The following NDST4 variants were observed in gnomAD, a reference collection of about 807,000 sequenced individuals.
NDST4 encodes the protein N-deacetylase and N-sulfotransferase 4.
In NDST4, 63 loss-of-function variants were observed where a neutral mutation model predicts 100.8. The ratio of observed to expected loss-of-function variants is 0.62; its 90% CI spans 0.51 to 0.77. NDST4 has a LOEUF of 0.77. NDST4 is among the 30% of genes least tolerant of loss of function. NDST4 has a pLI of 0.00. For synonymous variants in NDST4, 377 were observed against 361.8 expected (o/e 1.04, Z -0.48); for missense variants, 943 against 1,018.4 (o/e 0.93, Z 1.01).
chr4:115,107,476 T>A (rs1226008265), intron 1 of NDST4, among the ~76,000 whole-genome samples: 1 of 150,780 alleles, frequency 6.6e-6, no homozygotes, highest in East Asian at 1.9e-4. Flanking sequence ...CTACTCCTCA[T>A]CACATTTTTC....
chr4:114,998,943 C>T (rs1727223042), intron 2 of NDST4, among the ~76,000 whole-genome samples: 1 of 151,792 alleles, frequency 6.6e-6, no homozygotes, highest in South Asian at 2.1e-4. Flanking sequence ...AACTTTGGGT[C>T]GAGTTGAAAA....
At chr4:114,973,435 A>G (rs6812189) in intron 3 of NDST4, among the ~76,000 whole-genome samples, 1,821 of 152,102 alleles carry the variant, frequency 0.012, 38 homozygotes, top group African/African-American at 0.04. Context: ...ACAGACCATT[A>G]AAATATCTGT....
intron 9 of NDST4, among the ~76,000 whole-genome samples, chr4:114,847,264 T>C (rs1227059298): frequency 7.3e-6 from 1 of 137,526 alleles, no homozygotes; most frequent in East Asian, 2.0e-4. Context: ...TAGTCCCAGC[T>C]ACTTGGGAGG....
intron 6 of NDST4, among the ~76,000 whole-genome samples, chr4:114,901,192 T>G (rs796294164): frequency 5.9e-5 from 9 of 152,172 alleles, no homozygotes; most frequent in African/African-American, 2.2e-4. Flanking sequence ...AGCTCAACTA[T>G]GTCTTTACTG....
chr4:114,851,655 C>T (rs554185735), intron 8 of NDST4, among the ~76,000 whole-genome samples: 17 of 152,232 alleles, frequency 1.1e-4, no homozygotes, highest in Non-Finnish European at 2.1e-4. Flanking sequence ...CTTTAGTAGT[C>T]ACTCCAGAGT....
intron 6 of NDST4, among the ~76,000 whole-genome samples, chr4:114,920,433 A>G (rs1196190088): frequency 3.3e-5 from 5 of 152,160 alleles, no homozygotes; most frequent in Admixed American, 2.6e-4. Flanking sequence ...TTGAATGTGT[A>G]CCTGTGTGTG....
chr4:114,939,565 C>A (rs541047341), intron 4 of NDST4, among the ~76,000 whole-genome samples: 1 of 149,284 alleles, frequency 6.7e-6, no homozygotes, highest in Admixed American at 6.7e-5. Context: ...GTCCTAGATA[C>A]AAAGCAATGA....
At chr4:114,886,417 G>A (rs191528563) in intron 6 of NDST4, among the ~76,000 whole-genome samples, 12 of 152,126 alleles carry the variant, frequency 7.9e-5, no homozygotes, top group Non-Finnish European at 1.5e-5. Flanking sequence ...CTCTTTAGAC[G>A]GAGGCAGAAA....
At chr4:114,864,382 T>A (rs1723980116) in intron 7 of NDST4, among the ~76,000 whole-genome samples, 1 of 152,234 alleles carries the variant, frequency 6.6e-6, no homozygotes, top group Non-Finnish European at 1.5e-5. Flanking sequence ...ACATTTTTCC[T>A]TTCCAATTGG....
chr4:114,970,876 A>G (rs1044938443), intron 3 of NDST4, among the ~76,000 whole-genome samples: 6 of 152,086 alleles, frequency 3.9e-5, no homozygotes, highest in Non-Finnish European at 8.8e-5. Context: ...TGTATTTTAT[A>G]CCCTAACATA....
At chr4:115,012,635 T>A (rs1727575047) in intron 2 of NDST4, among the ~76,000 whole-genome samples, 1 of 152,002 alleles carries the variant, frequency 6.6e-6, no homozygotes. Context: ...ATTTGGAGGT[T>A]CCCCAAAAAA....
At chr4:115,018,599 GA>G (rs1209436917) in intron 2 of NDST4, among the ~76,000 whole-genome samples, 1 of 151,796 alleles carries the variant, frequency 6.6e-6, no homozygotes, top group African/African-American at 2.4e-5. Flanking sequence ...GGGATTGCAG[GA>G]TAGACTGTAG....
intron 2 of NDST4, among the ~76,000 whole-genome samples, chr4:115,072,511 T>C (rs959252522): frequency 6.6e-6 from 1 of 151,832 alleles, no homozygotes; most frequent in African/African-American, 2.4e-5. Flanking sequence ...TGGAATAAAA[T>C]AGTGAACACA....
At chr4:114,904,213 C>T (rs1480367859) in intron 6 of NDST4, among the ~76,000 whole-genome samples, 3 of 151,994 alleles carry the variant, frequency 2.0e-5, no homozygotes, top group Admixed American at 6.6e-5. Context: ...CACTATTTCC[C>T]ACTCAAGCAA....
chr4:114,970,406 G>C, intron 4 of NDST4, 24 bp downstream of exon 4: 1 of 1,596,330 alleles, frequency 6.3e-7, no homozygotes, highest in Non-Finnish European at 8.6e-7. Flanking sequence ...TAGTTCAAAA[G>C]ATACCACAAT....
chr4:114,926,946 C>T (rs1041198305), intron 6 of NDST4, among the ~76,000 whole-genome samples: 2 of 151,920 alleles, frequency 1.3e-5, no homozygotes, highest in Admixed American at 6.6e-5. Context: ...TCATAGGATG[C>T]TTACATACAT....
chr4:115,004,255 T>G (rs2620421), intron 2 of NDST4, among the ~76,000 whole-genome samples: 1 of 151,992 alleles, frequency 6.6e-6, no homozygotes, highest in African/African-American at 2.4e-5. Context: ...TAATTAGAAG[T>G]TTTTTTAGCC....
intron 6 of NDST4, among the ~76,000 whole-genome samples, chr4:114,880,502 A>G (rs949796721): frequency 6.6e-6 from 1 of 152,164 alleles, no homozygotes; most frequent in Non-Finnish European, 1.5e-5. Flanking sequence ...AGCCATGGGG[A>G]GGAGAAAACA....
At chr4:114,908,861 A>G (rs1425625564) in intron 6 of NDST4, among the ~76,000 whole-genome samples, 1 of 152,176 alleles carries the variant, frequency 6.6e-6, no homozygotes, top group African/African-American at 2.4e-5. Context: ...TTCTACTTTC[A>G]TAATTATAGT....
Sources: allele counts gnomAD v4.1 joint callset (sites outside exome capture counted in the v4.1 genomes callset), GRCh38; gene constraint gnomAD v4.1.1; transcripts MANE v1.5; gene names NCBI Gene and HGNC (gene_info 2026-07-23, HGNC 2026-07-21).